Variants in ARID1B observed in about 807,000 individuals in gnomAD.
The protein encoded by ARID1B is AT-rich interactive domain-containing protein 1B.
A neutral mutation model predicts 212.3 loss-of-function variants in ARID1B; 30 were observed. That is an observed-to-expected ratio of 0.14 (90% CI 0.11 to 0.19). The LOEUF (loss-of-function observed/expected upper bound fraction) is 0.19. ARID1B is among the 10% of genes least tolerant of loss of function. The pLI is 1.00. For synonymous variants in ARID1B, 1,402 were observed against 1,301.7 expected (o/e 1.08, Z -1.66); for missense variants, 2,891 against 3,204.0 (o/e 0.90, Z 2.36).
chr6:157,144,604 A>G (rs565975124), intron 7 of ARID1B, among the ~76,000 whole-genome samples: 27 of 151,362 alleles, frequency 1.8e-4, no homozygotes, highest in Admixed American at 8.5e-4. Flanking sequence ...GAGCTTGGGG[A>G]GGAGGAGGAG....
At chr6:157,182,753 C>A (rs1011636658) in intron 12 of ARID1B, among the ~76,000 whole-genome samples, 2 of 152,178 alleles carry the variant, frequency 1.3e-5, no homozygotes, top group Non-Finnish European at 2.9e-5. Context: ...TGTGATACCA[C>A]GTGTGAGTGA....
At chr6:157,102,178 C>T (rs1786090406) in intron 5 of ARID1B, among the ~76,000 whole-genome samples, 1 of 152,078 alleles carries the variant, frequency 6.6e-6, no homozygotes, top group Non-Finnish European at 1.5e-5. Context: ...GGAATTTTAA[C>T]CTCAATAAAG....
At chr6:156,817,471 A>G (rs569306306) in intron 1 of ARID1B, among the ~76,000 whole-genome samples, 1 of 151,984 alleles carries the variant, frequency 6.6e-6, no homozygotes, top group Non-Finnish European at 1.5e-5. Flanking sequence ...CCCCATCTCT[A>G]TAAAAAAAAT....
Position 156,779,480 on chromosome 6 carries a change from C to T in ARID1B, c.1791+9C>T. On this transcript the variant is annotated intron_variant, in intron 1 of 19. Transcript: ENST00000636930. ...CCATGGGCAGATCCCAGGTAACCCT[C>T]GCGCCAGCCGGGCCTGCTTCCGCCC... The T allele has an allele frequency of 1.3e-5, 18 of 1,370,362 alleles. No homozygotes were observed. Among genetic ancestry groups the T allele is most frequent in the Non-Finnish European group, 1.7e-5 (18 of 1,056,918 alleles). The allele number at this position is 1,370,362 out of a possible 1,614,324, so 84.9% of individuals were successfully genotyped here.
chr6:157,140,927 C>T (rs920225006), intron 7 of ARID1B: 3 of 354,162 alleles, frequency 8.5e-6, no homozygotes, highest in East Asian at 8.3e-5. Flanking sequence ...GATTTCTTTA[C>T]TTGCCTGTTT....
At position 157,201,756 on chromosome 6, in the gene ARID1B, C is replaced by T. The variant is rs537144196; in HGVS notation, c.5263+268C>T. On this transcript the variant is annotated intron_variant, in intron 18 of 19. Coordinates refer to ENST00000636930, the MANE Select transcript of ARID1B (RefSeq NM_001374828.1). This position sits in a 1 kb window ranked among gnomAD's most constrained non-coding sequence, Gnocchi z 5.2. ...CCCAGGCGGGTGGATCACGAGGTCA[C>T]GAGATCGAGACCATCCTGGATAACA... 6.6e-6 allele frequency among the ~76,000 whole-genome samples: 1 copy of T among 152,182 alleles called. No individual in the cohort carries two copies. Among genetic ancestry groups the T allele is most frequent in the Admixed American group, 6.5e-5 (1 of 15,300 alleles).
rs1176695034 is a variant in ARID1B, at chr6:157,209,692, T to G, written c.*1801T>G. On this transcript the variant is annotated 3_prime_UTR_variant, in exon 20 of 20. Transcript: ENST00000636930. ...ATTTAGTTTACTCCACCGTGTATAATATTTATACTGTGCAATGTTAAAAAA... is the reference window on the plus strand; with the variant it reads ...ATTTAGTTTACTCCACCGTGTATAAGATTTATACTGTGCAATGTTAAAAAA... The G allele has an allele frequency of 4.3e-6, 1 of 233,136 alleles. No individual in the cohort carries two copies. The highest frequency in any genetic ancestry group is 2.2e-5 in the African/African-American group (1 of 45,356). The allele number at this position is 233,136 out of a possible 1,614,324, so 14.4% of individuals were successfully genotyped here. A position where few individuals can be genotyped will look rare whatever the true frequency, so the allele number is the denominator to read the frequency against.
chr6:157,145,708 G>A lies in ARID1B; in HGVS notation c.2762-2916G>A, dbSNP rs139374972. On this transcript the variant is annotated intron_variant, in intron 7 of 19. Transcript: ENST00000636930. ...TATTTGAGAGACTGTGTAGCAGAGT[G>A]TGTCATGCTTGGACTCTAAGCTACA... Among the ~76,000 whole-genome samples, 113 of 152,320 alleles carry A rather than the reference G, an allele frequency of 7.4e-4. 1 individual carries two copies. Among genetic ancestry groups the A allele is most frequent in the African/African-American group, 2.6e-3 (108 of 41,568 alleles).
chr6:156,777,274 G>A (rs1778678534), upstream of ARID1B: 1 of 150,648 alleles, frequency 6.6e-6, no homozygotes, highest in Non-Finnish European at 1.5e-5. Context: ...GCGCCGGGGC[G>A]GGCGGCGGCG....
chr6:157,101,435 A>G (rs571229483), intron 5 of ARID1B, among the ~76,000 whole-genome samples: 1 of 152,274 alleles, frequency 6.6e-6, no homozygotes, highest in African/African-American at 2.4e-5. Flanking sequence ...TACCCTTGCC[A>G]CTGTCACAGA....
chr6:157,091,520 A>G (rs1309362209), intron 5 of ARID1B, among the ~76,000 whole-genome samples: 11 of 152,232 alleles, frequency 7.2e-5, no homozygotes, highest in Non-Finnish European at 1.5e-5. Context: ...GGATGCTATA[A>G]TGGGAAAGAG....
intron 6 of ARID1B, among the ~76,000 whole-genome samples, chr6:157,117,713 A>G (rs1024155582): frequency 6.6e-6 from 1 of 152,246 alleles, no homozygotes; most frequent in Admixed American, 6.5e-5. Flanking sequence ...ACCGAACTAG[A>G]AAATCTTTAT....
At chr6:157,180,368 TAAA>T (rs1031751728) in intron 11 of ARID1B, among the ~76,000 whole-genome samples, 1 of 131,504 alleles carries the variant, frequency 7.6e-6, no homozygotes, top group African/African-American at 2.8e-5. Flanking sequence ...TTAGTTTATC[TAAA>T]AAAAAAAAAC....
Position 157,167,153 on chromosome 6 carries a change from GCATGGCGCCCGC to G in ARID1B, c.3209_3220del (p.Ala1070_Met1073del), listed in dbSNP as rs1791383576. ...ATGAACACGCAGGCGCCGCCCTACA[GCATGGCGCCCGC>G]CATGGTGAACAGCTCGGCAGGTAAC... On this transcript the variant is annotated inframe_deletion, in exon 9 of 20. Coordinates refer to ENST00000636930, the MANE Select transcript of ARID1B (RefSeq NM_001374828.1). 3 of 1,609,690 alleles carry G rather than the reference GCATGGCGCCCGC, an allele frequency of 1.9e-6. No homozygotes were observed. The Admixed American group carries it at 5.0e-5, about 27-fold the overall frequency.
intron 1 of ARID1B, among the ~76,000 whole-genome samples, chr6:156,804,960 G>T (rs1223023281): frequency 6.6e-6 from 1 of 151,556 alleles, no homozygotes; most frequent in Non-Finnish European, 1.5e-5. Context: ...TAAAGATTAG[G>T]CAGTATTACT....
intron 4 of ARID1B, chr6:156,977,020 A>G: frequency 2.0e-6 from 1 of 493,538 alleles, no homozygotes; most frequent in South Asian, 1.6e-5. Flanking sequence ...ATGGACCATA[A>G]GGAAGCAAGA....
intron 4 of ARID1B, among the ~76,000 whole-genome samples, chr6:156,964,616 A>C (rs2128330866): frequency 6.6e-6 from 1 of 152,354 alleles, no homozygotes; most frequent in South Asian, 2.1e-4. Context: ...ATAAAAGTTG[A>C]AAGTTTGGAA....
intron 3 of ARID1B, among the ~76,000 whole-genome samples, chr6:156,909,123 C>CTTTTTTTTTTTTTTTTTTTTTTTTTCT (rs60183999): frequency 9.2e-6 from 1 of 108,822 alleles, no homozygotes; most frequent in Non-Finnish European, 1.8e-5. Flanking sequence ...TTTTCTTTCT[C>CTTTTTTTTTTTTTTTTTTTTTTTTTCT]TTTTTTTTTT....
intron 2 of ARID1B, among the ~76,000 whole-genome samples, chr6:156,881,818 G>GA (rs1787123306): frequency 6.6e-6 from 1 of 152,284 alleles, no homozygotes; most frequent in African/African-American, 2.4e-5. Context: ...TTAATAAGGC[G>GA]AAGATGTGTT....
Sources: allele counts gnomAD v4.1 joint callset (sites outside exome capture counted in the v4.1 genomes callset), GRCh38; gene constraint gnomAD v4.1.1; non-coding constraint Gnocchi (gnomAD v3.1); transcripts MANE v1.5; gene names NCBI Gene and HGNC (gene_info 2026-07-23, HGNC 2026-07-21).